PCNT: variants seen among roughly 807,000 people sequenced by gnomAD.
PCNT encodes pericentrin.
In PCNT, 319 loss-of-function variants were observed where a neutral mutation model predicts 380.4. That is an observed-to-expected ratio of 0.84 (90% CI 0.77 to 0.92). The LOEUF is 0.92. Among genes scored for constraint, PCNT ranks in the 40% least tolerant of loss-of-function variants. PCNT has a pLI of 0.00. For synonymous variants in PCNT, 1,845 were observed against 1,735.2 expected, an observed-to-expected ratio of 1.06 and a Z score of -1.57; for missense variants, 4,400 against 4,255.3, an observed-to-expected ratio of 1.03 and a Z score of -0.95.
At chr21:46,435,643 C>T (rs1413331133) in intron 38 of PCNT, among the ~76,000 whole-genome samples, 3 of 150,950 alleles carry the variant, frequency 2.0e-5, no homozygotes, top group African/African-American at 2.4e-5. Flanking sequence ...CCCGGGTTCA[C>T]GCCATTCTCC....
At chr21:46,342,971 T>C (rs960951869) in intron 3 of PCNT, among the ~76,000 whole-genome samples, 1 of 152,210 alleles carries the variant, frequency 6.6e-6, no homozygotes, top group Non-Finnish European at 1.5e-5. Flanking sequence ...CTCAGCTTGG[T>C]CACTTTTGGG....
rs575933110 is a variant in PCNT at position 46,324,748 on chromosome 21, G to T, written c.54+466G>T. ...CCGGGTGGCCTGGGGCGGGCGGCCG[G>T]TATTCGGGTGGCTGCTTGGTCTAGG... On this transcript the variant is annotated intron_variant, in intron 1 of 46. Coordinates refer to ENST00000359568, the MANE Select transcript of PCNT (RefSeq NM_006031.6). 10 of 417,596 alleles carry T rather than the reference G, an allele frequency of 2.4e-5. No homozygotes were observed. The South Asian group carries it at 8.8e-4, about 37-fold the overall frequency. 25.9% of individuals were successfully genotyped at this position (417,596 alleles called of 1,614,324 possible).
intron 21 of PCNT, among the ~76,000 whole-genome samples, chr21:46,392,838 T>A (rs1839357777): frequency 6.6e-6 from 1 of 152,270 alleles, no homozygotes; most frequent in Non-Finnish European, 1.5e-5. Context: ...AAATTTCTGA[T>A]GCTGAAGGAT....
chr21:46,343,596 C>T (rs1372577356), intron 3 of PCNT, among the ~76,000 whole-genome samples: 2 of 152,010 alleles, frequency 1.3e-5, no homozygotes, highest in Non-Finnish European at 2.9e-5. Flanking sequence ...TTGTTATGTC[C>T]TTTCCTGGTT....
chr21:46,428,428 C>T lies in PCNT; in HGVS notation c.7528C>T (p.Arg2510Cys), dbSNP rs146486696. The change falls in exon 35 of 47, where the codon CGC (arginine) becomes TGC (cysteine). Residue 2510 changes from arginine (R) to cysteine (C), a missense_variant. Transcript: ENST00000359568. The stretch of plus-strand genomic sequence containing the variant: ...GCAGGAAAAGTCCCTGGAGCATCTT[C>T]GCTTGCCGGACCGGAGCAGCCTGCT... ...DLQEKSLEHL[R>C]LPDRSSLLSE... is the part of the protein sequence containing the mutation. 16 of 1,612,544 alleles carry T rather than the reference C, an allele frequency of 9.9e-6. No homozygotes were observed. Among genetic ancestry groups the T allele is most frequent in the African/African-American group, 6.7e-5 (5 of 75,060 alleles).
chr21:46,432,659 C>G (rs537085683), intron 38 of PCNT, among the ~76,000 whole-genome samples: 1 of 152,162 alleles, frequency 6.6e-6, no homozygotes, highest in Non-Finnish European at 1.5e-5. Context: ...GGGTCTGGCT[C>G]TGTCACCCAG....
At position 46,398,115 on chromosome 21, in the gene PCNT, C is replaced by T; in HGVS notation, c.4548C>T (p.Gly1516=). The T allele has an allele frequency of 1.9e-6, 3 of 1,605,336 alleles. No homozygotes were observed. The highest frequency in any genetic ancestry group is 2.2e-5 in the South Asian group (2 of 89,912). ...AGGCGGCCAAGCCGCAGCCCTGGGG[C>T]CCTCGCGACAGCCAGGTGAGTCAGT... ...LRQAAKPQPW[G]PRDSQQAPLD... The change falls in exon 23 of 47, where the codon GGC becomes GGT. Residue 1516 remains glycine (G), a synonymous_variant. Coordinates refer to ENST00000359568, the MANE Select transcript of PCNT (RefSeq NM_006031.6).
In PCNT at chr21:46,416,223, C is replaced by T. The variant is rs1294124998; in HGVS notation, c.6305C>T (p.Ser2102Leu). 1.2e-6 allele frequency: 2 copies of T among 1,614,210 alleles called. No individual in the cohort carries two copies. The highest frequency in any genetic ancestry group is 4.5e-5 in the East Asian group (2 of 44,882). ...ADTKSLWPMASAHLLESSWSD... is the reference protein window; with the variant it reads ...ADTKSLWPMALAHLLESSWSD... Reference sequence around the variant, plus strand: ...ACCAAATCTCTGTGGCCCATGGCCTCAGCACACCTGTTGGAGAGCAGCTGG... The same window carrying T: ...ACCAAATCTCTGTGGCCCATGGCCTTAGCACACCTGTTGGAGAGCAGCTGG... The change falls in exon 30 of 47, where the codon TCA becomes TTA. Residue 2102 changes from serine to leucine, a missense_variant. Transcript: ENST00000359568.
intron 3 of PCNT, among the ~76,000 whole-genome samples, chr21:46,335,441 A>G (rs1470875839): frequency 6.6e-6 from 1 of 152,142 alleles, no homozygotes; most frequent in Non-Finnish European, 1.5e-5. Context: ...CACGCCTGTA[A>G]TCCCAGCACT....
At chr21:46,393,056 C>T (rs1020315707) in intron 21 of PCNT, among the ~76,000 whole-genome samples, 1 of 152,176 alleles carries the variant, frequency 6.6e-6, no homozygotes, top group Non-Finnish European at 1.5e-5. Context: ...GGTGGATTTT[C>T]CTTGGCCAGC....
intron 32 of PCNT, among the ~76,000 whole-genome samples, chr21:46,422,854 G>A (rs1289286171): frequency 6.6e-5 from 10 of 152,238 alleles, no homozygotes; most frequent in Non-Finnish European, 1.2e-4. Flanking sequence ...GTCTCAGAGG[G>A]CCCTGAGGGT....
rs769115662 is a variant in PCNT, at chr21:46,326,373, G to A, written c.55-4G>A. On this transcript the variant is annotated splice_region_variant and splice_polypyrimidine_tract_variant and intron_variant, in intron 1 of 46. Coordinates refer to ENST00000359568, the MANE Select transcript of PCNT (RefSeq NM_006031.6). ...CTTTACTACTTATCTACATTTTTGC[G>A]CAGCTTGCTCACTTCCGACAGAGAA... 4 of 1,613,850 alleles carry A rather than the reference G, an allele frequency of 2.5e-6. No homozygotes were observed. Among genetic ancestry groups the A allele is most frequent in the Admixed American group, 3.3e-5 (2 of 59,994 alleles).
At chr21:46,383,738 A>G (rs1392100671) in intron 16 of PCNT, among the ~76,000 whole-genome samples, 1 of 143,220 alleles carries the variant, frequency 7.0e-6, no homozygotes, top group Non-Finnish European at 1.5e-5. Flanking sequence ...ATGGAAGCGC[A>G]TTCACAGTGC....
At chr21:46,346,519 G>T (rs1157030049) in intron 4 of PCNT, among the ~76,000 whole-genome samples, 1 of 152,168 alleles carries the variant, frequency 6.6e-6, no homozygotes, top group Non-Finnish European at 1.5e-5. Context: ...GGAATTCGGG[G>T]TGCTGGTGCT....
intron 2 of PCNT, among the ~76,000 whole-genome samples, chr21:46,330,105 C>A (rs1393694004): frequency 2.6e-5 from 4 of 152,148 alleles, no homozygotes; most frequent in Non-Finnish European, 5.9e-5. Context: ...CCTATTGGAT[C>A]TTGGACATCA....
intron 3 of PCNT, among the ~76,000 whole-genome samples, chr21:46,335,229 G>A (rs1181847040): frequency 6.6e-6 from 1 of 152,174 alleles, no homozygotes; most frequent in African/African-American, 2.4e-5. Flanking sequence ...GAGCCTGGCA[G>A]GGCAGGGAGG....
intron 4 of PCNT, 155 bp from the exon 5 acceptor site, chr21:46,346,588 A>T (rs1052511973): frequency 5.4e-6 from 5 of 917,468 alleles, no homozygotes; most frequent in Non-Finnish European, 6.7e-6. Context: ...TCTCAGTGGC[A>T]TCCGGGCCTC....
Position 46,444,679 on chromosome 21 carries a change from G to A in PCNT, c.9840-15G>A. Reference sequence around the variant, plus strand: ...TTTTTTTTTTTCTTCTCTTGGTGTGGTAATTTGTTTGAAGAGCCACTCCAT... The same window carrying A: ...TTTTTTTTTTTCTTCTCTTGGTGTGATAATTTGTTTGAAGAGCCACTCCAT... On this transcript the variant is annotated splice_polypyrimidine_tract_variant and intron_variant, in intron 45 of 46. Coordinates refer to ENST00000359568, the MANE Select transcript of PCNT (RefSeq NM_006031.6). The A allele has an allele frequency of 6.3e-7, 1 of 1,582,282 alleles. No individual in the cohort carries two copies. The highest frequency in any genetic ancestry group is 8.6e-7 in the Non-Finnish European group (1 of 1,161,342).
intron 14 of PCNT, 151 bp from the exon 15 acceptor site, chr21:46,366,433 C>T (rs893473459): frequency 3.8e-5 from 27 of 709,860 alleles, no homozygotes; most frequent in Non-Finnish European, 5.8e-5. Flanking sequence ...TTCTGGTGGT[C>T]GAGGGAAAAG....
Sources: allele counts gnomAD v4.1 joint callset (sites outside exome capture counted in the v4.1 genomes callset), GRCh38; gene constraint gnomAD v4.1.1; transcripts MANE v1.5; gene names NCBI Gene and HGNC (gene_info 2026-07-23, HGNC 2026-07-21).